The following YARS2 variants were observed in gnomAD, a reference collection of about 807,000 sequenced individuals.
The protein encoded by YARS2 is tyrosine--tRNA ligase, mitochondrial.
YARS2 carries 38 observed loss-of-function variants against 45.0 expected under a neutral mutation model. The ratio of observed to expected loss-of-function variants is 0.84; its 90% CI spans 0.65 to 1.11. The LOEUF (loss-of-function observed/expected upper bound fraction) is 1.11, where lower values mean the gene tolerates loss of function less well. Ranked by LOEUF, YARS2 falls within the 50% of genes least tolerant of loss-of-function variation. YARS2 has a pLI of 0.00. For missense variants in YARS2, 602 were observed against 599.8 expected, an observed-to-expected ratio of 1.00 and a Z score of -0.04; for synonymous variants, 287 against 245.1, an observed-to-expected ratio of 1.17 and a Z score of -1.60.
At chr12:32,748,563 G>GTA (rs1221031676) in intron 4 of YARS2, among the ~76,000 whole-genome samples, 1 of 152,174 alleles carries the variant, frequency 6.6e-6, no homozygotes, top group African/African-American at 2.4e-5. Context: ...ACACACTATA[G>GTA]TAAAGTTCAG....
intron 3 of YARS2, among the ~76,000 whole-genome samples, chr12:32,750,360 C>T (rs996085180): frequency 9.2e-5 from 14 of 152,122 alleles, no homozygotes; most frequent in Non-Finnish European, 1.5e-5. Flanking sequence ...TGCCACCACG[C>T]CCAGCTAAGT....
chr12:32,748,124 ATAAAAT>A (rs906155010), intron 4 of YARS2, among the ~76,000 whole-genome samples: 2 of 152,208 alleles, frequency 1.3e-5, no homozygotes, highest in East Asian at 1.9e-4. Context: ...ATGTTACCAA[ATAAAAT>A]TAAGAAACCA....
chr12:32,749,810 C>G, intron 4 of YARS2, 127 bp downstream of exon 4: 2 of 1,078,874 alleles, frequency 1.9e-6, no homozygotes. Flanking sequence ...ATCTCCTGAC[C>G]TCGTGATCTG....
intron 2 of YARS2, among the ~76,000 whole-genome samples, chr12:32,753,666 A>T (rs1955790276): frequency 6.6e-6 from 1 of 152,224 alleles, no homozygotes; most frequent in South Asian, 2.1e-4. Context: ...ATAAAATCCT[A>T]AGAACTTGCT....
intron 2 of YARS2, among the ~76,000 whole-genome samples, chr12:32,753,349 TTATTTTGCTC>T (rs1955785016): frequency 6.6e-6 from 1 of 152,248 alleles, no homozygotes; most frequent in African/African-American, 2.4e-5. Context: ...ATGTAGGTCT[TTATTTTGCTC>T]AATAGCATCT....
In YARS2 at chr12:32,747,209, A is replaced by G; in HGVS notation, c.1429T>C (p.Leu477=). The G allele has an allele frequency of 6.2e-7, 1 of 1,612,402 alleles. No individual in the cohort carries two copies. The highest frequency in any genetic ancestry group is 1.7e-5 in the Admixed American group (1 of 60,008). ...RNFYIIKWLQ[L] Reference sequence around the variant, plus strand: ...ACAACCAGAAGGACTTTTCATCACAACTGAAGCCATTTTATAATGTAGAAA... The same window carrying G: ...ACAACCAGAAGGACTTTTCATCACAGCTGAAGCCATTTTATAATGTAGAAA... Residue 477 remains leucine, a synonymous_variant, in exon 5 of 5, where the codon TTG becomes CTG. Coordinates refer to ENST00000324868, the MANE Select transcript of YARS2 (RefSeq NM_001040436.3).
intron 3 of YARS2, 79 bp from the exon 4 acceptor site, chr12:32,750,186 G>T: frequency 1.3e-6 from 2 of 1,562,640 alleles, no homozygotes; most frequent in Non-Finnish European, 1.7e-6. Context: ...ACCAATTATA[G>T]AGTGTCCAAG....
Position 32,746,923 on chromosome 12 carries a change from T to G in YARS2, c.*281A>C. ...GAAGGGTAAGATAGGAAAGCAGCAT[T>G]TCTTTCTCTTCTGAAGTATAATTTT... On this transcript the variant is annotated 3_prime_UTR_variant, in exon 5 of 5. Coordinates refer to ENST00000324868, the MANE Select transcript of YARS2 (RefSeq NM_001040436.3). 2.8e-6 allele frequency: 1 copy of G among 355,874 alleles called. No individual in the cohort carries two copies. The highest frequency in any genetic ancestry group is 5.2e-6 in the Non-Finnish European group (1 of 193,054). The allele number at this position is 355,874 out of a possible 1,614,324, so 22.0% of individuals were successfully genotyped here. A position where few individuals can be genotyped will look rare whatever the true frequency, so the allele number is the denominator to read the frequency against.
At chr12:32,747,410 G>C (rs374996863) in intron 4 of YARS2, 47 bp from the exon 5 acceptor site, 31 of 1,593,482 alleles carry the variant, frequency 1.9e-5, no homozygotes, top group Non-Finnish European at 2.7e-5. Flanking sequence ...AATCACTGTT[G>C]ATCTGTCCCC....
At chr12:32,747,427 A>AGAC (rs1226973546) in intron 4 of YARS2, 64 bp from the exon 5 acceptor site, 2 of 1,556,862 alleles carry the variant, frequency 1.3e-6, no homozygotes, top group African/African-American at 2.7e-5. Flanking sequence ...CCCCCAAAAA[A>AGAC]GACTGTTTCA....
rs748791567 is a variant in YARS2, at chr12:32,747,383, AGT to A, written c.1275-22_1275-21del. On this transcript the variant is annotated intron_variant, in intron 4 of 4. Coordinates refer to ENST00000324868, the MANE Select transcript of YARS2 (RefSeq NM_001040436.3). Reference sequence around the variant, plus strand: ...CGATACCTAAAAAATAGAAACGTTTAGTAAGTAGAGAGATCCAATCACTGTTG... The same window carrying A: ...CGATACCTAAAAAATAGAAACGTTTAAAGTAGAGAGATCCAATCACTGTTG... The A allele has an allele frequency of 8.2e-5, 132 of 1,612,376 alleles. No homozygotes were observed. Among genetic ancestry groups the A allele is most frequent in the South Asian group, 4.2e-4 (38 of 91,074 alleles).
Position 32,753,960 on chromosome 12 carries a change from A to G in YARS2, c.905T>C (p.Leu302Ser). The G allele has an allele frequency of 6.2e-7, 1 of 1,614,228 alleles. No homozygotes were observed. Among genetic ancestry groups the G allele is most frequent in the South Asian group, 1.1e-5 (1 of 91,084 alleles). The change falls in exon 2 of 5, where the codon TTG (leucine) becomes TCG (serine). Residue 302 changes from leucine (L) to serine (S), a missense_variant. Leu to Ser is a moderately radical substitution (Grantham distance 145). Transcript: ENST00000324868. ...CGGTTGCCTGACAAAGAATTGATAC[A>G]ATTCAAATGGAGATGTCTTATCTCT... ...LNRDKTSPFE[L>S]YQFFVRQPDD...
chr12:32,755,032 TCA>T, intron 1 of YARS2, 62 bp downstream of exon 1: 1 of 1,601,880 alleles, frequency 6.2e-7, no homozygotes, highest in African/African-American at 1.3e-5. Flanking sequence ...TAAGAGTGAA[TCA>T]CAGGCTACTA....
chr12:32,752,567 C>A (rs762513203), intron 2 of YARS2, among the ~76,000 whole-genome samples: 3 of 151,450 alleles, frequency 2.0e-5, no homozygotes, highest in Admixed American at 6.6e-5. Flanking sequence ...CCAGCCTGGC[C>A]AACATGGCGA....
chr12:32,753,524 A>C (rs1955788760), intron 2 of YARS2, among the ~76,000 whole-genome samples: 3 of 152,234 alleles, frequency 2.0e-5, no homozygotes, highest in Admixed American at 1.3e-4. Flanking sequence ...AGTTTAAGGC[A>C]ATTTGATTTA....
rs768368005 is a variant in YARS2 at position 32,755,855 on chromosome 12, C to G, written c.20G>C (p.Arg7Pro). The G allele has an allele frequency of 5.0e-6, 8 of 1,613,120 alleles. No individual in the cohort carries two copies. Among genetic ancestry groups the G allele is most frequent in the South Asian group, 3.3e-5 (3 of 91,090 alleles). ...AGACCACCGGCCCCAGGAAAAGGAC[C>G]GCAAGATGGGCGCCGCCATCTTGGT... Reference protein sequence around the residue: MAAPILRSFSWGRWSGT... With the variant: MAAPILPSFSWGRWSGT... The change falls in exon 1 of 5, where the codon CGG becomes CCG. Residue 7 changes from arginine to proline, a missense_variant. Arg to Pro is a moderately radical substitution (Grantham distance 103, BLOSUM62 -2). Transcript: ENST00000324868.
chr12:32,755,123 A>G lies in YARS2; in HGVS notation c.752T>C (p.Ile251Thr), dbSNP rs1955822898. ...GTTGATGAACTCATATCCGGACATG[A>G]TGTTGCCTAGTTGATCAGATCCGCC... Reference protein sequence around the residue: ...QLGGSDQLGNIMSGYEFINKL... With the variant: ...QLGGSDQLGNTMSGYEFINKL... The change falls in exon 1 of 5, where the codon ATC (isoleucine) becomes ACC (threonine). Residue 251 changes from isoleucine to threonine, a missense_variant. Transcript: ENST00000324868. 6.2e-7 allele frequency: 1 copy of G among 1,613,982 alleles called. No individual in the cohort carries two copies. The highest frequency in any genetic ancestry group is 8.5e-7 in the Non-Finnish European group (1 of 1,180,016).
chr12:32,755,025 G>C (rs1955820401), intron 1 of YARS2, 71 bp downstream of exon 1: 2 of 1,591,698 alleles, frequency 1.3e-6, no homozygotes, highest in Admixed American at 3.3e-5. Context: ...ACAATCCTAA[G>C]AGTGAATCAC....
intron 2 of YARS2, among the ~76,000 whole-genome samples, chr12:32,752,531 G>C (rs1955764660): frequency 6.6e-6 from 1 of 151,772 alleles, no homozygotes; most frequent in Non-Finnish European, 1.5e-5. Flanking sequence ...GAGGAAGGTG[G>C]ATCACTTGAG....
Sources: gnomAD v4.1 joint callset for allele counts (sites outside exome capture counted in the v4.1 genomes callset) on GRCh38, gnomAD v4.1.1 for gene constraint, MANE v1.5 for transcripts, NCBI Gene and HGNC (gene_info 2026-07-23, HGNC 2026-07-21) for gene names.